Variants in PLEKHM3 observed in about 807,000 individuals in gnomAD.
PLEKHM3 encodes pleckstrin homology domain-containing family M member 3.
PLEKHM3 carries 45 observed loss-of-function variants against 81.8 expected under a neutral mutation model. That is an observed-to-expected ratio of 0.55 (90% confidence interval 0.43 to 0.71). The LOEUF is 0.71. PLEKHM3 is among the 30% of genes least tolerant of loss of function. The pLI, the probability that PLEKHM3 is intolerant of heterozygous loss-of-function variation, is 0.00. For synonymous variants in PLEKHM3, 352 were observed against 356.4 expected, an observed-to-expected ratio of 0.99 and a Z score of 0.14; for missense variants, 788 against 924.3, an observed-to-expected ratio of 0.85 and a Z score of 1.91.
chr2:207,991,458 G>C (rs189744961), intron 2 of PLEKHM3, among the ~76,000 whole-genome samples: 151 of 152,274 alleles, frequency 9.9e-4, no homozygotes, highest in African/African-American at 3.5e-3. Flanking sequence ...GCTCAGGAAA[G>C]ATGGCCTCTC....
At chr2:207,860,149 CTCTG>C (rs1259475690) in intron 7 of PLEKHM3, among the ~76,000 whole-genome samples, 65 of 63,836 alleles carry the variant, frequency 1.0e-3, no homozygotes, top group African/African-American at 3.5e-3. Context: ...TGAACTCTGC[CTCTG>C]TGTGTGTGTG....
At chr2:207,875,209 T>G (rs1461902206) in intron 6 of PLEKHM3, among the ~76,000 whole-genome samples, 1 of 152,042 alleles carries the variant, frequency 6.6e-6, no homozygotes, top group African/African-American at 2.4e-5. Context: ...CTTAAATTAA[T>G]AAGGAAAAGA....
intron 1 of PLEKHM3, among the ~76,000 whole-genome samples, chr2:208,018,951 C>T (rs1032288499): frequency 6.6e-6 from 1 of 151,396 alleles, no homozygotes; most frequent in African/African-American, 2.4e-5. Context: ...GTAATCCCAG[C>T]ACTTTGAGCT....
chr2:207,832,140 G>A (rs529410718), intron 7 of PLEKHM3, among the ~76,000 whole-genome samples: 1 of 152,230 alleles, frequency 6.6e-6, no homozygotes, highest in Admixed American at 6.5e-5. Flanking sequence ...CTAACCAAAG[G>A]TCAGTAACTG....
chr2:207,934,129 A>G (rs1689674857), intron 4 of PLEKHM3, among the ~76,000 whole-genome samples: 1 of 152,242 alleles, frequency 6.6e-6, no homozygotes, highest in South Asian at 2.1e-4. Flanking sequence ...ACAAAAGCCA[A>G]AGATATTCTT....
intron 7 of PLEKHM3, among the ~76,000 whole-genome samples, chr2:207,848,175 G>A (rs147960791): frequency 1.8e-4 from 27 of 152,302 alleles, no homozygotes; most frequent in Admixed American, 2.6e-4. Flanking sequence ...CCAGCTTCTG[G>A]GCAGTGCTTC....
rs1168382627 is a variant in PLEKHM3, at chr2:207,827,859, G to C, written c.*460C>G. 3 of 152,300 alleles carry C rather than the reference G, an allele frequency of 2.0e-5. No individual in the cohort carries two copies. The highest frequency in any genetic ancestry group is 2.9e-5 in the Non-Finnish European group (2 of 68,038). The allele number at this position is 152,300 out of a possible 1,614,324, so 9.4% of individuals were successfully genotyped here. ...TTTTCTTATGAAACAGATGATGATG[G>C]GTGCCTGCCTCAGTTACCTCAGCCT... On this transcript the variant is annotated 3_prime_UTR_variant, in exon 8 of 8. Transcript: ENST00000427836.
At chr2:208,007,170 C>T (rs1161113557) in intron 1 of PLEKHM3, among the ~76,000 whole-genome samples, 1 of 152,206 alleles carries the variant, frequency 6.6e-6, no homozygotes, top group African/African-American at 2.4e-5. Flanking sequence ...GGGAAGAAAA[C>T]TGCAATGGCA....
intron 7 of PLEKHM3, among the ~76,000 whole-genome samples, 198 bp from the exon 8 acceptor site, chr2:207,828,694 T>C (rs1006221256): frequency 6.6e-6 from 1 of 152,110 alleles, no homozygotes; most frequent in Non-Finnish European, 1.5e-5. Context: ...TTGAAAAACA[T>C]TTTTGCTTTT....
At chr2:207,955,200 A>C (rs1690461957) in intron 3 of PLEKHM3, among the ~76,000 whole-genome samples, 1 of 152,310 alleles carries the variant, frequency 6.6e-6, no homozygotes, top group African/African-American at 2.4e-5. Flanking sequence ...TCTTAGGATA[A>C]GATGCTTCAA....
chr2:207,919,462 C>A (rs1689111445), intron 5 of PLEKHM3, among the ~76,000 whole-genome samples: 1 of 152,126 alleles, frequency 6.6e-6, no homozygotes, highest in Non-Finnish European at 1.5e-5. Context: ...AAGGGTGGTG[C>A]AGGAGACCAG....
intron 6 of PLEKHM3, among the ~76,000 whole-genome samples, chr2:207,891,967 G>C (rs555331033): frequency 1.3e-5 from 2 of 152,264 alleles, no homozygotes; most frequent in African/African-American, 4.8e-5. Context: ...CACAGTCCTG[G>C]CAAGAAACAT....
At chr2:207,846,817 TA>T (rs1399312391) in intron 7 of PLEKHM3, among the ~76,000 whole-genome samples, 2 of 152,144 alleles carry the variant, frequency 1.3e-5, no homozygotes, top group South Asian at 2.1e-4. Flanking sequence ...TACAATGTGA[TA>T]AAAAATGCTG....
chr2:207,858,177 TA>T (rs2092446934), intron 7 of PLEKHM3, among the ~76,000 whole-genome samples: 1 of 136,190 alleles, frequency 7.3e-6, no homozygotes, highest in African/African-American at 2.9e-5. Context: ...TGTGTGTGTA[TA>T]TATTTTTTTT....
chr2:207,946,540 G>A, intron 3 of PLEKHM3, 28 bp from the exon 4 acceptor site: 1 of 1,610,458 alleles, frequency 6.2e-7, no homozygotes, highest in East Asian at 2.2e-5. Flanking sequence ...AAGAGTCTAT[G>A]ATTGCTGTTG....
chr2:208,001,357 A>C lies in PLEKHM3; in HGVS notation c.283T>G (p.Phe95Val). 1 of 1,614,146 alleles carries C rather than the reference A, an allele frequency of 6.2e-7. No homozygotes were observed. The highest frequency in any genetic ancestry group is 8.5e-7 in the Non-Finnish European group (1 of 1,180,018). ...AQNVFPAKEQ[F>V]MVQRGTTPDN... is the part of the protein sequence containing the mutation. Reference sequence around the variant, plus strand: ...GGGGTTGTCCCTCTCTGGACCATAAACTGTTCTTTGGCAGGGAAGACATTT... The same window carrying C: ...GGGGTTGTCCCTCTCTGGACCATAACCTGTTCTTTGGCAGGGAAGACATTT... Residue 95 changes from phenylalanine (F) to valine (V), a missense_variant, in exon 2 of 8, where the codon TTT (phenylalanine) becomes GTT (valine). By Grantham distance (50) the Phe-to-Val change is conservative. Transcript: ENST00000427836.
intron 6 of PLEKHM3, among the ~76,000 whole-genome samples, chr2:207,877,424 A>C (rs567708540): frequency 3.3e-5 from 5 of 152,288 alleles, no homozygotes; most frequent in Non-Finnish European, 7.4e-5. Flanking sequence ...GCTCTAGCAG[A>C]GGGAAACCAT....
intron 3 of PLEKHM3, among the ~76,000 whole-genome samples, chr2:207,949,976 C>G (rs1238875012): frequency 6.6e-6 from 1 of 152,130 alleles, no homozygotes; most frequent in East Asian, 1.9e-4. Flanking sequence ...ATGTTCACAT[C>G]AACCGGGCAC....
At chr2:207,841,099 G>A (rs1310213174) in intron 7 of PLEKHM3, among the ~76,000 whole-genome samples, 2 of 151,704 alleles carry the variant, frequency 1.3e-5, no homozygotes, top group Non-Finnish European at 1.5e-5. Context: ...GATTACAGAC[G>A]CCCGGACAAC....
Sources: allele counts gnomAD v4.1 joint callset (sites outside exome capture counted in the v4.1 genomes callset), GRCh38; gene constraint gnomAD v4.1.1; transcripts MANE v1.5; gene names NCBI Gene and HGNC (gene_info 2026-07-23, HGNC 2026-07-21).